Variants in ATL1 observed in about 807,000 individuals in gnomAD.
The protein encoded by ATL1 is atlastin GTPase 1, also known as atlastin-1.
In ATL1, 31 loss-of-function variants were observed where a neutral mutation model predicts 75.5. The observed-to-expected ratio is 0.41, with a 90% CI of 0.31 to 0.55. ATL1 has a LOEUF of 0.55. Ranked by LOEUF, ATL1 falls within the 20% of genes least tolerant of loss-of-function variation. ATL1 has a pLI of 0.27. For synonymous variants in ATL1, 226 were observed against 233.3 expected (o/e 0.97, Z 0.28); for missense variants, 405 against 662.6 (o/e 0.61, Z 4.27).
chr14:50,622,968 T>C (rs1441136405), intron 10 of ATL1, among the ~76,000 whole-genome samples: 1 of 152,222 alleles, frequency 6.6e-6, no homozygotes, highest in East Asian at 1.9e-4. Context: ...AGAAGTATTG[T>C]GTATTGAGTA....
intron 5 of ATL1, 132 bp downstream of exon 5, chr14:50,594,028 AGCTG>A: frequency 1.4e-6 from 1 of 713,172 alleles, no homozygotes; most frequent in Non-Finnish European, 2.5e-6. Flanking sequence ...TGGCCCAATT[AGCTG>A]CCTGGTAATT....
intron 1 of ATL1, among the ~76,000 whole-genome samples, chr14:50,540,356 C>G (rs190336082): frequency 4.6e-5 from 7 of 152,268 alleles, no homozygotes; most frequent in African/African-American, 1.7e-4. Flanking sequence ...ACTGAAATCT[C>G]TGTAACAGAG....
Position 50,566,393 on chromosome 14 carries a change from A to AAT in ATL1, c.34+6105_34+6106dup, listed in dbSNP as rs901289228. ...AATTTTTACAGTTTAGCTATAAATAAATATATATATATCCCTAAATAATAT... is the reference window on the plus strand; with the variant it reads ...AATTTTTACAGTTTAGCTATAAATAAATATATATATATATCCCTAAATAATAT... On this transcript the variant is annotated intron_variant, in intron 1 of 13. Coordinates refer to ENST00000358385, the MANE Select transcript of ATL1 (RefSeq NM_015915.5). Among the ~76,000 whole-genome samples the AAT allele has an allele frequency of 2.2e-4, 34 of 152,116 alleles. No individual in the cohort carries two copies. In the South Asian group the frequency reaches 3.7e-3, roughly 17 times the overall value.
chr14:50,630,087 TAA>T, intron 13 of ATL1, 78 bp downstream of exon 13: 1 of 1,094,014 alleles, frequency 9.1e-7, no homozygotes, highest in Admixed American at 2.2e-5. Context: ...ACTAAGCCAT[TAA>T]AAGATGTCTT....
intron 1 of ATL1, among the ~76,000 whole-genome samples, chr14:50,561,313 G>A (rs772392221): frequency 1.3e-5 from 2 of 152,226 alleles, no homozygotes; most frequent in Non-Finnish European, 2.9e-5. Context: ...TCTTAGGAAC[G>A]AAAGCCCTCT....
chr14:50,622,658 T>G (rs960177744), intron 10 of ATL1, among the ~76,000 whole-genome samples: 2 of 151,850 alleles, frequency 1.3e-5, no homozygotes, highest in Admixed American at 6.6e-5. Context: ...AGAGCAAGAC[T>G]CAGTCTCAAA....
chr14:50,591,103 T>C, intron 3 of ATL1, 28 bp downstream of exon 3: 1 of 1,607,550 alleles, frequency 6.2e-7, no homozygotes. Context: ...TAAATAAAAT[T>C]GAGTTTTCAC....
At chr14:50,583,588 A>G (rs148863575) in intron 1 of ATL1, among the ~76,000 whole-genome samples, 2 of 152,238 alleles carry the variant, frequency 1.3e-5, no homozygotes, top group Non-Finnish European at 2.9e-5. Context: ...ATGGAGAGCT[A>G]GATCATGTTA....
intron 11 of ATL1, among the ~76,000 whole-genome samples, chr14:50,627,050 T>A (rs1288201758): frequency 6.6e-6 from 1 of 152,210 alleles, no homozygotes; most frequent in Non-Finnish European, 1.5e-5. Flanking sequence ...TACAGAGAAA[T>A]CTTTCATGAA....
chr14:50,555,972 GGT>G (rs2038760368), upstream of ATL1, among the ~76,000 whole-genome samples: 1 of 152,152 alleles, frequency 6.6e-6, no homozygotes, highest in South Asian at 2.1e-4. Context: ...AAATGAGCAT[GGT>G]GAAAGAACCA....
At chr14:50,565,123 C>T (rs1339573863) in intron 1 of ATL1, among the ~76,000 whole-genome samples, 1 of 151,842 alleles carries the variant, frequency 6.6e-6, no homozygotes, top group Non-Finnish European at 1.5e-5. Context: ...CCCATCTCTA[C>T]TAAAAATGTA....
At chr14:50,574,690 T>C (rs2038984449) in intron 1 of ATL1, among the ~76,000 whole-genome samples, 1 of 151,868 alleles carries the variant, frequency 6.6e-6, no homozygotes, top group South Asian at 2.1e-4. Flanking sequence ...ATGATTAGGT[T>C]TTTTTCTATA....
At position 50,613,365 on chromosome 14, in the gene ATL1, T is replaced by G; in HGVS notation, c.723+14T>G. ...AAACGCCTCAAGGTTTGTTAGATAT[T>G]TAGGTGCATGAAATTTCACTAATAA... On this transcript the variant is annotated intron_variant, in intron 7 of 13. Coordinates refer to ENST00000358385, the MANE Select transcript of ATL1 (RefSeq NM_015915.5). 6.3e-7 allele frequency: 1 copy of G among 1,589,950 alleles called. No homozygotes were observed. Among genetic ancestry groups the G allele is most frequent in the Non-Finnish European group, 8.6e-7 (1 of 1,159,116 alleles).
chr14:50,556,738 C>A (rs1331451915), upstream of ATL1, among the ~76,000 whole-genome samples: 3 of 152,172 alleles, frequency 2.0e-5, no homozygotes, highest in South Asian at 2.1e-4. Flanking sequence ...TAAATGGAAT[C>A]ATATAATATG....
chr14:50,606,452 T>C (rs1269204389), intron 6 of ATL1, among the ~76,000 whole-genome samples: 1 of 151,794 alleles, frequency 6.6e-6, no homozygotes, highest in African/African-American at 2.4e-5. Context: ...GAAAAGTGTT[T>C]TGGGTTCTTT....
In ATL1 at chr14:50,613,443, A is replaced by G. The variant is rs1010508910; in HGVS notation, c.723+92A>G. On this transcript the variant is annotated intron_variant, in intron 7 of 13. Coordinates refer to ENST00000358385, the MANE Select transcript of ATL1 (RefSeq NM_015915.5). ...GGTGAATAGATACTCAGTAGCCACT[A>G]GCCGCAATCTCATTTGTTATCGATA... The G allele has an allele frequency of 2.0e-5, 18 of 894,216 alleles. No homozygotes were observed. In the African/African-American group the frequency reaches 2.5e-4, roughly 12 times the overall value. 55.4% of individuals were successfully genotyped at this position (894,216 alleles called of 1,614,324 possible). A position where few individuals can be genotyped will look rare whatever the true frequency, so the allele number is the denominator to read the frequency against.
intron 12 of ATL1, 149 bp downstream of exon 12, chr14:50,628,611 C>T (rs1333566440): frequency 2.6e-6 from 2 of 775,718 alleles, no homozygotes; most frequent in African/African-American, 3.4e-5. Context: ...ATACAAGCAA[C>T]TAACTATATA....
intron 4 of ATL1, among the ~76,000 whole-genome samples, chr14:50,592,640 G>A (rs560253135): frequency 6.6e-5 from 10 of 151,920 alleles, no homozygotes; most frequent in South Asian, 4.2e-4. Flanking sequence ...GGCCAGGCAC[G>A]GTGGCTCACG....
intron 1 of ATL1, among the ~76,000 whole-genome samples, chr14:50,574,935 GTGTATATATATATATA>G (rs1393401885): frequency 1.4e-4 from 5 of 34,606 alleles, no homozygotes; most frequent in Non-Finnish European, 2.2e-4. Context: ...GTGTGTGTGT[GTGTATATATATATATA>G]TATATATATA....
Sources: allele counts gnomAD v4.1 joint callset (sites outside exome capture counted in the v4.1 genomes callset), GRCh38; gene constraint gnomAD v4.1.1; transcripts MANE v1.5; gene names NCBI Gene and HGNC (gene_info 2026-07-23, HGNC 2026-07-21).